Variants in CLRN1 observed in about 807,000 individuals in gnomAD.
CLRN1 encodes the protein clarin 1, also known as clarin-1.
CLRN1 carries 15 observed loss-of-function variants against 18.7 expected under a neutral mutation model. The ratio of observed to expected loss-of-function variants is 0.80; its 90% CI spans 0.54 to 1.23. CLRN1 has a LOEUF of 1.23. CLRN1 is among the 50% of genes most tolerant of loss of function. The probability of loss-of-function intolerance (pLI) is 0.00; values close to 1 mark genes in which losing one functional copy is unlikely to be tolerated. For missense variants in CLRN1, 311 were observed against 277.5 expected (o/e 1.12, Z -0.86); for synonymous variants, 104 against 102.9 (o/e 1.01, Z -0.07).
chr3:150,936,951 G>A (rs1464231354), intron 2 of CLRN1, among the ~76,000 whole-genome samples: 1 of 152,074 alleles, frequency 6.6e-6, no homozygotes, highest in African/African-American at 2.4e-5. Context: ...CTCAGCTATT[G>A]GAGCAGTCTT....
intron 1 of CLRN1, among the ~76,000 whole-genome samples, chr3:150,957,856 A>C (rs1714830221): frequency 6.6e-6 from 1 of 151,856 alleles, no homozygotes; most frequent in Non-Finnish European, 1.5e-5. Context: ...ACGGGGTTTC[A>C]CCATGTTGGC....
intron 1 of CLRN1, among the ~76,000 whole-genome samples, chr3:150,944,990 T>A (rs1714089797): frequency 6.6e-6 from 1 of 151,980 alleles, no homozygotes; most frequent in Admixed American, 6.6e-5. Context: ...AAGACTGGGG[T>A]GTTAAAGAGG....
intron 1 of CLRN1, among the ~76,000 whole-genome samples, chr3:150,964,072 T>C (rs1417786263): frequency 2.0e-5 from 3 of 152,228 alleles, no homozygotes; most frequent in East Asian, 1.9e-4. Context: ...TGGGATCTAA[T>C]TAAACTAAAA....
At chr3:150,972,858 A>G, upstream of CLRN1, 1 of 1,070,186 alleles carries the variant, frequency 9.3e-7, no homozygotes, top group Non-Finnish European at 1.4e-6. Flanking sequence ...GGTTCTCGCC[A>G]GGTTAAATGT....
Position 150,953,416 on chromosome 3 carries a change from G to C in CLRN1, c.254-11655C>G, listed in dbSNP as rs185965796. Among the ~76,000 whole-genome samples the C allele has an allele frequency of 2.5e-3, 379 of 151,816 alleles. 1 individual carries two copies. The highest frequency in any genetic ancestry group is 8.8e-3 in the African/African-American group (366 of 41,362). The stretch of plus-strand genomic sequence containing the variant: ...GTCTCCTCATACTTAAACCATCCCA[G>C]ACCCCTAATTGCCCTTTTCTCTCCA... On this transcript the variant is annotated intron_variant, in intron 1 of 2. Transcript: ENST00000327047.
At chr3:150,972,086 G>T (rs1715564364) in intron 1 of CLRN1, among the ~76,000 whole-genome samples, 1 of 152,014 alleles carries the variant, frequency 6.6e-6, no homozygotes, top group African/African-American at 2.4e-5. Flanking sequence ...CATGACCTTG[G>T]TTCTTTTTAT....
At chr3:150,942,772 A>G (rs1401756418) in intron 1 of CLRN1, 1 of 243,686 alleles carries the variant, frequency 4.1e-6, no homozygotes, top group African/African-American at 3.3e-5. Flanking sequence ...GACACTTCTC[A>G]TTTTTCTCCA....
At chr3:150,937,670 T>C (rs1713572678) in intron 2 of CLRN1, among the ~76,000 whole-genome samples, 1 of 152,116 alleles carries the variant, frequency 6.6e-6, no homozygotes. Flanking sequence ...AAAGAGCAAA[T>C]TGGCTGACTT....
chr3:150,944,398 T>C (rs1457115108), intron 1 of CLRN1, among the ~76,000 whole-genome samples: 1 of 152,056 alleles, frequency 6.6e-6, no homozygotes, highest in African/African-American at 2.4e-5. Flanking sequence ...TAAAAGATCA[T>C]TCTGAATGCT....
rs1455165059 is a variant in CLRN1, at chr3:150,927,735, C to A, written c.*201G>T. 9.3e-6 allele frequency: 7 copies of A among 753,536 alleles called. No homozygotes were observed. Among genetic ancestry groups the A allele is most frequent in the Middle Eastern group, 3.6e-4 (1 of 2,798 alleles). 46.7% of individuals were successfully genotyped at this position (753,536 alleles called of 1,614,324 possible). A position where few individuals can be genotyped will look rare whatever the true frequency, so the allele number is the denominator to read the frequency against. Reference sequence around the variant, plus strand: ...CTACCTGGGTCAAGCAATTTCCCACCAGATAAAACAACTTTTCAAAGCCTT... The same window carrying A: ...CTACCTGGGTCAAGCAATTTCCCACAAGATAAAACAACTTTTCAAAGCCTT... On this transcript the variant is annotated 3_prime_UTR_variant, in exon 3 of 3. Transcript: ENST00000327047.
chr3:150,963,547 A>G (rs966278540), intron 1 of CLRN1, among the ~76,000 whole-genome samples: 1 of 152,240 alleles, frequency 6.6e-6, no homozygotes, highest in Non-Finnish European at 1.5e-5. Flanking sequence ...CTTTCTTCAC[A>G]GAATTAGAAA....
chr3:150,971,394 G>A (rs1428059585), intron 1 of CLRN1, among the ~76,000 whole-genome samples: 1 of 152,108 alleles, frequency 6.6e-6, no homozygotes, highest in Non-Finnish European at 1.5e-5. Context: ...GGTGTCCAAT[G>A]ACTGCTAAGA....
chr3:150,962,664 T>C (rs1715091937), intron 1 of CLRN1, among the ~76,000 whole-genome samples: 1 of 152,240 alleles, frequency 6.6e-6, no homozygotes, highest in South Asian at 2.1e-4. Context: ...GTGGTCAAAG[T>C]AGCTAACTTT....
chr3:150,941,365 T>G, intron 2 of CLRN1: 1 of 510,600 alleles, frequency 2.0e-6, no homozygotes, highest in Non-Finnish European at 3.5e-6. Flanking sequence ...TAATTTAATG[T>G]CAGCATCACA....
Position 150,927,771 on chromosome 3 carries a change from C to T in CLRN1, c.*165G>A, listed in dbSNP as rs989614929. The T allele has an allele frequency of 1.1e-6, 1 of 941,412 alleles. No homozygotes were observed. The highest frequency in any genetic ancestry group is 1.7e-6 in the Non-Finnish European group (1 of 600,854). 58.3% of individuals were successfully genotyped at this position (941,412 alleles called of 1,614,324 possible). On this transcript the variant is annotated 3_prime_UTR_variant, in exon 3 of 3. Transcript: ENST00000327047. ...ACTTTTCAAAGCCTTCCTTCTGCTT[C>T]CCTTACTTTCCAGCCTGTATCCTTA...
intron 1 of CLRN1, among the ~76,000 whole-genome samples, chr3:150,944,718 G>T (rs1300509085): frequency 6.6e-6 from 1 of 151,470 alleles, no homozygotes; most frequent in Non-Finnish European, 1.5e-5. Flanking sequence ...TCCCACCACT[G>T]CACTCCAGCC....
At chr3:150,962,819 A>G (rs1715097892) in intron 1 of CLRN1, among the ~76,000 whole-genome samples, 1 of 152,230 alleles carries the variant, frequency 6.6e-6, no homozygotes, top group Non-Finnish European at 1.5e-5. Context: ...TAAGCATGTG[A>G]CTTCCTCAAC....
chr3:150,940,571 T>C, intron 2 of CLRN1: 1 of 1,501,458 alleles, frequency 6.7e-7, no homozygotes, highest in Non-Finnish European at 9.0e-7. Flanking sequence ...CATTGTTTGC[T>C]TTGTGTGAGT....
Position 150,927,000 on chromosome 3 carries a change from C to T in CLRN1, c.*936G>A. 1 of 1,511,696 alleles carries T rather than the reference C, an allele frequency of 6.6e-7. No individual in the cohort carries two copies. The allele number at this position is 1,511,696 out of a possible 1,614,324, so 93.6% of individuals were successfully genotyped here. ...ATAATCCCAGATTTAATATAATTTT[C>T]ATAATTGCATATTAGTACTCGAGAC... On this transcript the variant is annotated 3_prime_UTR_variant, in exon 3 of 3. Coordinates refer to ENST00000327047, the MANE Select transcript of CLRN1 (RefSeq NM_174878.3).
Sources: gnomAD v4.1 joint callset for allele counts (sites outside exome capture counted in the v4.1 genomes callset) on GRCh38, gnomAD v4.1.1 for gene constraint, MANE v1.5 for transcripts, NCBI Gene and HGNC (gene_info 2026-07-23, HGNC 2026-07-21) for gene names.